Variants in ZDHHC3 observed in about 807,000 individuals in gnomAD.
ZDHHC3 encodes the protein zDHHC palmitoyltransferase 3.
ZDHHC3 carries 9 observed loss-of-function variants against 30.6 expected under a neutral mutation model. The observed-to-expected ratio is 0.29, with a 90% CI of 0.18 to 0.51. ZDHHC3 has a LOEUF of 0.51. Among genes scored for constraint, ZDHHC3 ranks in the 20% least tolerant of loss-of-function variants. The pLI, the probability that ZDHHC3 is intolerant of heterozygous loss-of-function variation, is 0.97. For missense variants in ZDHHC3, 246 were observed against 384.2 expected (o/e 0.64, Z 3.01); for synonymous variants, 136 against 140.2 (o/e 0.97, Z 0.21).
At chr3:44,945,759 A>G (rs1702873546) in intron 2 of ZDHHC3, among the ~76,000 whole-genome samples, 1 of 151,874 alleles carries the variant, frequency 6.6e-6, no homozygotes, top group Non-Finnish European at 1.5e-5. Flanking sequence ...GGGTTTCACC[A>G]TGTTGGCCAG....
chr3:44,935,276 C>G (rs1312851462), intron 3 of ZDHHC3, among the ~76,000 whole-genome samples: 1 of 152,152 alleles, frequency 6.6e-6, no homozygotes, highest in Non-Finnish European at 1.5e-5. Context: ...AAATAATTAC[C>G]TTTCTTTGTG....
At position 44,967,307 on chromosome 3, in the gene ZDHHC3, T is replaced by C. The variant is rs1705038334; in HGVS notation, c.-24-7847A>G. Among the ~76,000 whole-genome samples, 3 of 152,234 alleles carry C rather than the reference T, an allele frequency of 2.0e-5. No homozygotes were observed. The South Asian group carries it at 6.2e-4, about 31-fold the overall frequency. The stretch of plus-strand genomic sequence containing the variant: ...TGGGATTTGGATAGCTCATGGAGGC[T>C]AACAGTTCCTCTACTTACTATAACT... On this transcript the variant is annotated intron_variant, in intron 1 of 6. Transcript: ENST00000424952.
Position 44,922,515 on chromosome 3 carries a change from G to A in ZDHHC3, c.*4174C>T, listed in dbSNP as rs1700665722. On this transcript the variant is annotated 3_prime_UTR_variant, in exon 7 of 7. Coordinates refer to ENST00000424952, the MANE Select transcript of ZDHHC3 (RefSeq NM_001135179.2). Reference sequence around the variant, plus strand: ...GGGGAGGCCGCAGCTTATGAGGGAAGGCAGTCTCAGTGGCTTCTCCGCGGA... The same window carrying A: ...GGGGAGGCCGCAGCTTATGAGGGAAAGCAGTCTCAGTGGCTTCTCCGCGGA... The A allele has an allele frequency of 2.0e-6, 2 of 985,434 alleles. No homozygotes were observed. Among genetic ancestry groups the A allele is most frequent in the Non-Finnish European group, 1.2e-6 (1 of 829,940 alleles). 61.0% of individuals were successfully genotyped at this position (985,434 alleles called of 1,614,324 possible). A position where few individuals can be genotyped will look rare whatever the true frequency, so the allele number is the denominator to read the frequency against.
At chr3:44,944,228 C>T (rs1015289376) in intron 3 of ZDHHC3, among the ~76,000 whole-genome samples, 2 of 152,132 alleles carry the variant, frequency 1.3e-5, no homozygotes, top group African/African-American at 4.8e-5. Flanking sequence ...CGGCTCACCG[C>T]AACCTCTGCC....
Position 44,959,462 on chromosome 3 carries a change from TGAAA to T in ZDHHC3, c.-24-6_-24-3del, listed in dbSNP as rs1204283444. The T allele has an allele frequency of 6.3e-7, 1 of 1,592,650 alleles. No individual in the cohort carries two copies. The highest frequency in any genetic ancestry group is 8.6e-7 in the Non-Finnish European group (1 of 1,165,886). On this transcript the variant is annotated splice_polypyrimidine_tract_variant and splice_region_variant and intron_variant, in intron 1 of 6. Transcript: ENST00000424952. The surrounding 1 kb of genome is among the most constrained non-coding windows in gnomAD (Gnocchi z 4.3). ...AAGCTATTCTGTCCATACTGGCATCTGAAAGAGAGAGGAAAGAATCCAGAAACTT... is the reference window on the plus strand; with the variant it reads ...AAGCTATTCTGTCCATACTGGCATCTGAGAGAGGAAAGAATCCAGAAACTT...
In ZDHHC3 at chr3:44,926,039, T is replaced by C. The variant is rs1700957791; in HGVS notation, c.*650A>G. On this transcript the variant is annotated 3_prime_UTR_variant, in exon 7 of 7. Coordinates refer to ENST00000424952, the MANE Select transcript of ZDHHC3 (RefSeq NM_001135179.2). ...GATTCAGAATACAAATAAGACCTCT[T>C]TCATCTTTCTCCCCACTCCCCCGCA... 1 of 985,902 alleles carries C rather than the reference T, an allele frequency of 1.0e-6. No individual in the cohort carries two copies. Among genetic ancestry groups the C allele is most frequent in the Non-Finnish European group, 1.2e-6 (1 of 829,952 alleles). 61.1% of individuals were successfully genotyped at this position (985,902 alleles called of 1,614,324 possible).
chr3:44,932,809 C>G, intron 5 of ZDHHC3: 1 of 1,099,382 alleles, frequency 9.1e-7, no homozygotes, highest in South Asian at 1.3e-5. Flanking sequence ...CAGCATGGCT[C>G]CCACGCATTG....
intron 1 of ZDHHC3, among the ~76,000 whole-genome samples, chr3:44,963,042 G>A (rs1704616944): frequency 6.6e-6 from 1 of 152,202 alleles, no homozygotes; most frequent in African/African-American, 2.4e-5. Flanking sequence ...TTAAATGAAT[G>A]CATGAGATTT....
At position 44,947,647 on chromosome 3, in the gene ZDHHC3, C is replaced by A. The variant is rs561857057; in HGVS notation, c.307-2355G>T. Among the ~76,000 whole-genome samples the A allele has an allele frequency of 3.3e-5, 5 of 152,292 alleles. No individual in the cohort carries two copies. The South Asian group carries it at 8.3e-4, about 25-fold the overall frequency. ...CTGCAGCTTCAAAAAACTACAGATG[C>A]CTAGACTCTTATGCAGCACTACTAT... On this transcript the variant is annotated intron_variant, in intron 2 of 6. Coordinates refer to ENST00000424952, the MANE Select transcript of ZDHHC3 (RefSeq NM_001135179.2).
At chr3:44,944,535 G>C (rs1332799877) in intron 3 of ZDHHC3, among the ~76,000 whole-genome samples, 1 of 152,136 alleles carries the variant, frequency 6.6e-6, no homozygotes, top group Non-Finnish European at 1.5e-5. Context: ...CTCCTGCCTT[G>C]GCTTCCCAAA....
chr3:44,924,395 T>C lies in ZDHHC3; in HGVS notation c.*2294A>G. The C allele has an allele frequency of 7.1e-6, 7 of 985,438 alleles. No individual in the cohort carries two copies. The highest frequency in any genetic ancestry group is 8.4e-6 in the Non-Finnish European group (7 of 829,930). The allele number at this position is 985,438 out of a possible 1,614,324, so 61.0% of individuals were successfully genotyped here. A position where few individuals can be genotyped will look rare whatever the true frequency, so the allele number is the denominator to read the frequency against. On this transcript the variant is annotated 3_prime_UTR_variant, in exon 7 of 7. Coordinates refer to ENST00000424952, the MANE Select transcript of ZDHHC3 (RefSeq NM_001135179.2). ...TGCCAGGAACCTTGGGGTATTCCTA[T>C]CTTCTGAGAGCAACTGGTTTGAGAG...
intron 1 of ZDHHC3, among the ~76,000 whole-genome samples, chr3:44,962,541 A>AAGGG (rs1553693408): frequency 2.1e-5 from 3 of 142,556 alleles, no homozygotes; most frequent in Non-Finnish European, 4.6e-5. Flanking sequence ...GGAAGGAAGG[A>AAGGG]AGGGGAGGGG....
intron 3 of ZDHHC3, among the ~76,000 whole-genome samples, chr3:44,936,819 G>A (rs1702000153): frequency 6.6e-6 from 1 of 151,796 alleles, no homozygotes; most frequent in Non-Finnish European, 1.5e-5. Context: ...CAACACACGA[G>A]TTTATCTATG....
intron 6 of ZDHHC3, among the ~76,000 whole-genome samples, chr3:44,928,537 A>G (rs1321408383): frequency 6.6e-6 from 1 of 151,980 alleles, no homozygotes; most frequent in African/African-American, 2.4e-5. Flanking sequence ...TGTTCCTCAC[A>G]CCCAGAGCTA....
chr3:44,969,675 G>A (rs1705247219), intron 1 of ZDHHC3: 2 of 152,204 alleles, frequency 1.3e-5, no homozygotes, highest in African/African-American at 2.4e-5. Context: ...GCATGCAGTG[G>A]TGCTCACAGG....
rs1397803280 is a variant in ZDHHC3, at chr3:44,926,678, G to A, written c.*11C>T. 1 of 1,584,336 alleles carries A rather than the reference G, an allele frequency of 6.3e-7. No homozygotes were observed. The highest frequency in any genetic ancestry group is 2.3e-5 in the East Asian group (1 of 44,372). ...GACTTGTGTCTGAGTGGCCATGCCG[G>A]TCGGGGTCCTTCAGACCACATACTG... On this transcript the variant is annotated 3_prime_UTR_variant, in exon 7 of 7. Coordinates refer to ENST00000424952, the MANE Select transcript of ZDHHC3 (RefSeq NM_001135179.2).
At chr3:44,969,133 A>G (rs1326829270) in intron 1 of ZDHHC3, among the ~76,000 whole-genome samples, 3 of 152,224 alleles carry the variant, frequency 2.0e-5, no homozygotes, top group Non-Finnish European at 4.4e-5. Flanking sequence ...TGATACTCTC[A>G]TAGTTTGTGA....
chr3:44,956,896 C>A (rs531736455), intron 2 of ZDHHC3, among the ~76,000 whole-genome samples: 1 of 152,196 alleles, frequency 6.6e-6, no homozygotes, highest in Non-Finnish European at 1.5e-5. Context: ...GCCTACCAGG[C>A]CCTGCACAAT....
At chr3:44,929,806 G>C (rs569637452) in intron 5 of ZDHHC3, among the ~76,000 whole-genome samples, 2 of 152,352 alleles carry the variant, frequency 1.3e-5, no homozygotes, top group African/African-American at 4.8e-5. Flanking sequence ...TCTCCTCAGA[G>C]AGCACAATGC....
Sources: gnomAD v4.1 joint callset for allele counts (sites outside exome capture counted in the v4.1 genomes callset) on GRCh38, gnomAD v4.1.1 for gene constraint, Gnocchi (gnomAD v3.1) non-coding constraint, MANE v1.5 for transcripts, NCBI Gene and HGNC (gene_info 2026-07-23, HGNC 2026-07-21) for gene names.